PARPBP: variants seen among roughly 807,000 people sequenced by gnomAD.
PARPBP encodes the protein PCNA-interacting partner.
PARPBP carries 52 observed loss-of-function variants against 50.0 expected under a neutral mutation model. The ratio of observed to expected loss-of-function variants is 1.04; its 90% CI spans 0.83 to 1.31. The LOEUF (loss-of-function observed/expected upper bound fraction) is 1.31, where lower values mean the gene tolerates loss of function less well. Among genes scored for constraint, PARPBP ranks in the 50% most tolerant of loss-of-function variants. The probability of loss-of-function intolerance (pLI) is 0.00; values close to 1 mark genes in which losing one functional copy is unlikely to be tolerated. For missense variants in PARPBP, 697 were observed against 672.0 expected (o/e 1.04, Z -0.41); for synonymous variants, 244 against 232.1 (o/e 1.05, Z -0.47).
At chr12:102,194,299 G>A (rs149266135) in intron 9 of PARPBP, among the ~76,000 whole-genome samples, 27 of 151,882 alleles carry the variant, frequency 1.8e-4, no homozygotes, top group African/African-American at 6.5e-4. Flanking sequence ...AGTTATACTC[G>A]AAGTGTTACA....
chr12:102,127,949 G>A (rs1297357842), intron 2 of PARPBP, among the ~76,000 whole-genome samples: 1 of 152,040 alleles, frequency 6.6e-6, no homozygotes, highest in African/African-American at 2.4e-5. Context: ...AATATATTTT[G>A]AAATATGTAT....
intron 4 of PARPBP, among the ~76,000 whole-genome samples, chr12:102,156,974 C>T (rs1887021497): frequency 6.6e-6 from 1 of 152,260 alleles, no homozygotes; most frequent in East Asian, 1.9e-4. Context: ...TGTAAATGGT[C>T]TAGAATGCAT....
chr12:102,138,715 GT>G (rs1273656489), intron 2 of PARPBP, among the ~76,000 whole-genome samples: 1 of 152,136 alleles, frequency 6.6e-6, no homozygotes, highest in Non-Finnish European at 1.5e-5. Context: ...TGGCTAGCCA[GT>G]TTTCCCAGCA....
chr12:102,163,977 C>T (rs1887864102), intron 4 of PARPBP, among the ~76,000 whole-genome samples: 3 of 152,048 alleles, frequency 2.0e-5, no homozygotes, highest in Admixed American at 2.0e-4. Context: ...AGGGGGGGCA[C>T]ACCTTCTTTT....
rs542434901 is a variant in PARPBP, at chr12:102,137,811, A to C, written c.154-10419A>C. 2.2e-3 allele frequency among the ~76,000 whole-genome samples: 335 copies of C among 152,246 alleles called. 2 individuals carry two copies. Among genetic ancestry groups the C allele is most frequent in the Non-Finnish European group, 3.9e-3 (264 of 68,008 alleles). On this transcript the variant is annotated intron_variant, in intron 2 of 10. Coordinates refer to ENST00000327680, the MANE Select transcript of PARPBP (RefSeq NM_017915.5). ...GGAATGATGGTTTCCAGCTTCATCC[A>C]TGTCCCTACAAAGGACATGAACTCA...
At position 102,153,213 on chromosome 12, in the gene PARPBP, A is replaced by G. The variant is rs554621311; in HGVS notation, c.388-656A>G. Among the ~76,000 whole-genome samples the G allele has an allele frequency of 2.0e-5, 3 of 152,278 alleles. No individual in the cohort carries two copies. In the South Asian group the frequency reaches 6.2e-4, roughly 32 times the overall value. ...CCCCTATGATATCATCTCTGCCTCC[A>G]CCAATCAGCAGCAAGCCTAGCCACC... On this transcript the variant is annotated intron_variant, in intron 3 of 10. Coordinates refer to ENST00000327680, the MANE Select transcript of PARPBP (RefSeq NM_017915.5).
chr12:102,175,768 G>A, intron 7 of PARPBP, 102 bp downstream of exon 7: 2 of 657,800 alleles, frequency 3.0e-6, no homozygotes, highest in Non-Finnish European at 4.8e-6. Context: ...AGAAGAGTGT[G>A]TTTCCTGTGT....
chr12:102,174,505 CAA>C (rs538089098), intron 6 of PARPBP, among the ~76,000 whole-genome samples: 1 of 152,158 alleles, frequency 6.6e-6, no homozygotes, highest in Non-Finnish European at 1.5e-5. Context: ...TATGCCACTA[CAA>C]AAGAGAAATT....
chr12:102,135,237 A>G (rs1335751990), intron 2 of PARPBP, among the ~76,000 whole-genome samples: 1 of 152,108 alleles, frequency 6.6e-6, no homozygotes, highest in Non-Finnish European at 1.5e-5. Flanking sequence ...ACTGAATCGG[A>G]GAAAGAGTAG....
At chr12:102,158,120 CAAAA>C (rs55962862) in intron 4 of PARPBP, among the ~76,000 whole-genome samples, 5 of 47,988 alleles carry the variant, frequency 1.0e-4, no homozygotes, top group African/African-American at 2.5e-4. Flanking sequence ...GACTCCATCT[CAAAA>C]AAAAAAAAAA....
chr12:102,175,970 T>A (rs1889233842), intron 7 of PARPBP, among the ~76,000 whole-genome samples: 1 of 152,052 alleles, frequency 6.6e-6, no homozygotes, highest in Non-Finnish European at 1.5e-5. Flanking sequence ...TTTATGCTAT[T>A]TTTCCATAAA....
chr12:102,197,004 A>G lies in PARPBP; in HGVS notation c.*713A>G. The G allele has an allele frequency of 6.2e-7, 1 of 1,611,794 alleles. No individual in the cohort carries two copies. Among genetic ancestry groups the G allele is most frequent in the Non-Finnish European group, 8.5e-7 (1 of 1,178,486 alleles). ...AATCTCTCCTTCCTATAGGAAATTT[A>G]GCTGAGTTTTCTTCATCCCCAATTT... On this transcript the variant is annotated 3_prime_UTR_variant, in exon 11 of 11. Coordinates refer to ENST00000327680, the MANE Select transcript of PARPBP (RefSeq NM_017915.5).
At chr12:102,136,392 C>T (rs1312035551) in intron 2 of PARPBP, among the ~76,000 whole-genome samples, 2 of 152,134 alleles carry the variant, frequency 1.3e-5, no homozygotes, top group African/African-American at 4.8e-5. Context: ...CAAATCACCT[C>T]CTTTCATTTA....
intron 2 of PARPBP, among the ~76,000 whole-genome samples, chr12:102,129,070 TA>T (rs1192049810): frequency 6.6e-6 from 1 of 152,218 alleles, no homozygotes; most frequent in Non-Finnish European, 1.5e-5. Flanking sequence ...ATTTTTTATA[TA>T]CCTCTTGGCA....
At chr12:102,162,785 G>A (rs1485794049) in intron 4 of PARPBP, among the ~76,000 whole-genome samples, 5 of 151,418 alleles carry the variant, frequency 3.3e-5, no homozygotes, top group African/African-American at 1.2e-4. Context: ...TTGTGCCACT[G>A]CACTCCAGCC....
intron 4 of PARPBP, among the ~76,000 whole-genome samples, chr12:102,162,077 A>G (rs1322619908): frequency 3.9e-5 from 6 of 152,084 alleles, no homozygotes. Flanking sequence ...TGTTTTTTGC[A>G]TGGGAACTTA....
chr12:102,147,718 T>A (rs1260648121), intron 2 of PARPBP, among the ~76,000 whole-genome samples: 1 of 151,480 alleles, frequency 6.6e-6, no homozygotes, highest in African/African-American at 2.4e-5. Context: ...AGTATAATAA[T>A]AATAAAATAA....
At chr12:102,172,639 T>G (rs866606285) in intron 6 of PARPBP, among the ~76,000 whole-genome samples, 2 of 152,224 alleles carry the variant, frequency 1.3e-5, no homozygotes, top group Non-Finnish European at 2.9e-5. Context: ...CAAGTCTTAT[T>G]TTTTCCTAAA....
chr12:102,157,265 G>C (rs973729023), intron 4 of PARPBP, among the ~76,000 whole-genome samples: 2 of 152,082 alleles, frequency 1.3e-5, no homozygotes, highest in African/African-American at 4.8e-5. Flanking sequence ...TGACATGTGG[G>C]TCCCTGGAAT....
Sources: gnomAD v4.1 joint callset for allele counts (sites outside exome capture counted in the v4.1 genomes callset) on GRCh38, gnomAD v4.1.1 for gene constraint, MANE v1.5 for transcripts, NCBI Gene and HGNC (gene_info 2026-07-23, HGNC 2026-07-21) for gene names.